Variants in FAM169A observed in about 807,000 individuals in gnomAD.
FAM169A encodes the protein soluble lamin-associated protein of 75 kDa.
FAM169A carries 24 observed loss-of-function variants against 75.7 expected under a neutral mutation model. The ratio of observed to expected loss-of-function variants is 0.32; its 90% CI spans 0.23 to 0.45. The LOEUF (loss-of-function observed/expected upper bound fraction) is 0.45, where lower values mean the gene tolerates loss of function less well. Ranked by LOEUF, FAM169A falls within the 20% of genes least tolerant of loss-of-function variation. The pLI is 1.00. For synonymous variants in FAM169A, 271 were observed against 271.0 expected, an observed-to-expected ratio of 1.00 and a Z score of 0.00; for missense variants, 673 against 784.0, an observed-to-expected ratio of 0.86 and a Z score of 1.69.
intron 1 of FAM169A, chr5:74,865,499 C>A (rs1750273789): frequency 6.6e-6 from 1 of 152,176 alleles, no homozygotes; most frequent in Non-Finnish European, 1.5e-5. Flanking sequence ...TCAGTGTAAT[C>A]CAGACCCCCG....
At chr5:74,786,880 G>A (rs1282955193) in intron 11 of FAM169A, among the ~76,000 whole-genome samples, 1 of 152,204 alleles carries the variant, frequency 6.6e-6, no homozygotes, top group African/African-American at 2.4e-5. Context: ...CTGCAACTTG[G>A]AATGGGGACA....
chr5:74,841,891 A>G (rs1748885024), intron 1 of FAM169A, among the ~76,000 whole-genome samples: 1 of 152,340 alleles, frequency 6.6e-6, no homozygotes, highest in South Asian at 2.1e-4. Flanking sequence ...TATTAAAAAC[A>G]GGCAATGAAA....
chr5:74,838,921 A>T (rs769678436), intron 4 of FAM169A, 44 bp downstream of exon 4: 1 of 1,327,186 alleles, frequency 7.5e-7, no homozygotes, highest in Admixed American at 1.7e-5. Context: ...AAACACTGTG[A>T]AATGGCCTCA....
At chr5:74,799,386 G>A in intron 10 of FAM169A, 24 of 1,612,958 alleles carry the variant, frequency 1.5e-5, no homozygotes, top group Middle Eastern at 3.3e-4. Flanking sequence ...AAAATGACTG[G>A]TGGGTGAGCA....
chr5:74,834,001 A>G (rs758194472), intron 5 of FAM169A, among the ~76,000 whole-genome samples: 4 of 152,200 alleles, frequency 2.6e-5, no homozygotes, highest in Admixed American at 1.3e-4. Context: ...GCTCTTTCAT[A>G]TGTCAGGCTG....
intron 5 of FAM169A, among the ~76,000 whole-genome samples, chr5:74,827,501 G>A (rs922594626): frequency 2.2e-4 from 34 of 151,752 alleles, no homozygotes; most frequent in African/African-American, 7.7e-4. Context: ...AAAATATCTT[G>A]TGATCCTAAT....
chr5:74,805,249 G>T lies in FAM169A; in HGVS notation c.706C>A (p.His236Asn). ...CCTTCAACTTCCCAAAGGAGTTCAT[G>T]GTCTCCTGGATACTTCTCAAAGTAT... ...KQYFEKYPGDHELLWEVEGVG... is the reference protein window; with the variant it reads ...KQYFEKYPGDNELLWEVEGVG... The change falls in exon 7 of 13, where the codon CAT becomes AAT. Residue 236 changes from histidine to asparagine, a missense_variant. His to Asn is a moderately conservative substitution (Grantham distance 68, BLOSUM62 1). This residue lies in a region of FAM169A where 510 missense variants were observed against 550.9 expected (regional missense o/e 0.93). Transcript: ENST00000687041. The T allele has an allele frequency of 6.2e-7, 1 of 1,613,620 alleles. No homozygotes were observed. The highest frequency in any genetic ancestry group is 8.5e-7 in the Non-Finnish European group (1 of 1,179,660).
At chr5:74,849,822 C>T (rs116333745) in intron 1 of FAM169A, among the ~76,000 whole-genome samples, 120 of 152,196 alleles carry the variant, frequency 7.9e-4, no homozygotes, top group African/African-American at 2.7e-3. Context: ...CTATGAGAGC[C>T]GAGTTTTTGA....
At chr5:74,857,091 A>T (rs1486740419) in intron 1 of FAM169A, among the ~76,000 whole-genome samples, 1 of 143,256 alleles carries the variant, frequency 7.0e-6, no homozygotes, top group Non-Finnish European at 1.5e-5. Flanking sequence ...CCTGGGCCAC[A>T]GAGTGAGACT....
chr5:74,840,064 A>G lies in FAM169A; in HGVS notation c.232+10T>C, dbSNP rs747643871. On this transcript the variant is annotated intron_variant, in intron 3 of 12. Transcript: ENST00000687041. Reference sequence around the variant, plus strand: ...ATTCCTTAATTTATAAAAATTAAGCAAAAAGAGACCTGTCAGTGAATCTTC... The same window carrying G: ...ATTCCTTAATTTATAAAAATTAAGCGAAAAGAGACCTGTCAGTGAATCTTC... 4.8e-5 allele frequency: 70 copies of G among 1,443,776 alleles called. No homozygotes were observed. The African/African-American group carries it at 8.6e-4, about 18-fold the overall frequency. The allele number at this position is 1,443,776 out of a possible 1,614,324, so 89.4% of individuals were successfully genotyped here.
intron 7 of FAM169A, among the ~76,000 whole-genome samples, 183 bp downstream of exon 7, chr5:74,804,973 A>C (rs996056722): frequency 1.3e-5 from 2 of 152,158 alleles, no homozygotes; most frequent in Non-Finnish European, 2.9e-5. Context: ...ACATTACCAA[A>C]ATTCAAACCT....
intron 10 of FAM169A, chr5:74,799,633 G>A (rs1031143046): frequency 1.7e-5 from 24 of 1,380,970 alleles, no homozygotes; most frequent in Middle Eastern, 2.3e-4. Context: ...CAGCTTCTCC[G>A]CCAGTGGGAG....
chr5:74,857,571 GGAAAAAAAAAAAAAAAA>G (rs1318249728), intron 1 of FAM169A, among the ~76,000 whole-genome samples: 4 of 65,746 alleles, frequency 6.1e-5, no homozygotes, highest in South Asian at 1.3e-3. Flanking sequence ...CCTTGCCGCG[GGAAAAAAAAAAAAAAAA>G]AAAAAAAAAA....
intron 1 of FAM169A, among the ~76,000 whole-genome samples, chr5:74,851,477 G>C (rs1749443541): frequency 6.6e-6 from 1 of 152,174 alleles, no homozygotes. Context: ...ACCCAGGAAT[G>C]GATGATAAAT....
At chr5:74,819,163 G>T (rs1361954153) in intron 5 of FAM169A, among the ~76,000 whole-genome samples, 1 of 151,078 alleles carries the variant, frequency 6.6e-6, no homozygotes, top group African/African-American at 2.4e-5. Flanking sequence ...AGGTTGCAGC[G>T]AGCTGAGATT....
intron 11 of FAM169A, 35 bp downstream of exon 11, chr5:74,795,995 C>G (rs756934436): frequency 5.6e-6 from 9 of 1,594,732 alleles, no homozygotes; most frequent in Non-Finnish European, 7.7e-6. Flanking sequence ...ATTTAGTTTA[C>G]TTTTTTTCAT....
chr5:74,866,548 G>A, upstream of FAM169A: 1 of 520,836 alleles, frequency 1.9e-6, no homozygotes, highest in South Asian at 8.2e-5. Flanking sequence ...GTGCGGGCTT[G>A]GCCAGCCCGG....
At chr5:74,856,659 AT>A (rs1455195779) in intron 1 of FAM169A, among the ~76,000 whole-genome samples, 5 of 152,142 alleles carry the variant, frequency 3.3e-5, no homozygotes, top group Non-Finnish European at 5.9e-5. Flanking sequence ...AGACCTTGAG[AT>A]TTAGATGATA....
chr5:74,856,901 A>T (rs1045428262), intron 1 of FAM169A, among the ~76,000 whole-genome samples: 4 of 151,262 alleles, frequency 2.6e-5, no homozygotes, highest in African/African-American at 9.7e-5. Flanking sequence ...CAGGGTCAGG[A>T]GATCGAGACC....
Sources: allele counts gnomAD v4.1 joint callset (sites outside exome capture counted in the v4.1 genomes callset), GRCh38; gene constraint gnomAD v4.1.1; regional missense constraint gnomAD v4.1.1; transcripts MANE v1.5; gene names NCBI Gene and HGNC (gene_info 2026-07-23, HGNC 2026-07-21).